Variants in NPAS2 observed in about 807,000 individuals in gnomAD.
NPAS2 encodes neuronal PAS domain-containing protein 2.
Under a neutral mutation model 107.5 loss-of-function variants are expected in NPAS2, and 23 were observed. The observed-to-expected ratio is 0.21, with a 90% CI of 0.15 to 0.30. NPAS2 has a LOEUF of 0.30. NPAS2 is among the 10% of genes least tolerant of loss of function. NPAS2 has a pLI of 1.00. For synonymous variants in NPAS2, 403 were observed against 417.5 expected (o/e 0.97, Z 0.42); for missense variants, 756 against 1,043.3 (o/e 0.72, Z 3.79).
intron 7 of NPAS2, among the ~76,000 whole-genome samples, chr2:100,952,679 T>C (rs1030131701): frequency 1.3e-5 from 2 of 152,136 alleles, no homozygotes; most frequent in African/African-American, 4.8e-5. Flanking sequence ...CTGCTGAATA[T>C]CCCTTTGAAG....
intron 1 of NPAS2, chr2:100,878,386 G>A: frequency 1.0e-6 from 1 of 985,432 alleles, no homozygotes; most frequent in Non-Finnish European, 1.2e-6. Context: ...AAGCAGCTGA[G>A]GACCTGGAAA....
chr2:100,988,443 T>A, intron 17 of NPAS2, 167 bp downstream of exon 17: 3 of 618,156 alleles, frequency 4.9e-6, no homozygotes, highest in Non-Finnish European at 8.5e-6. Context: ...CTTCTTCTGT[T>A]AAAGTCACTT....
Position 100,877,673 on chromosome 2 carries a change from TG to T in NPAS2, c.-22-27059del, listed in dbSNP as rs145255804. 6.0e-4 allele frequency among the ~76,000 whole-genome samples: 92 copies of T among 152,260 alleles called. 1 individual carries two copies. The East Asian group carries it at 0.017, about 28-fold the overall frequency. On this transcript the variant is annotated intron_variant, in intron 1 of 20. Transcript: ENST00000335681. ...ATAGCACCCATTTTACACAGCACCA[TG>T]TGCATTTTCTGATATGTTTTTGCAC...
chr2:100,821,111 AGGTC>A (rs1196790608), intron 1 of NPAS2: 1 of 1,304,688 alleles, frequency 7.7e-7, no homozygotes, highest in Middle Eastern at 2.1e-4. Flanking sequence ...AGAGCTGGGC[AGGTC>A]GGTAACCAGG....
rs767258970 is a variant in NPAS2 at position 100,937,743 on chromosome 2, T to C, written c.274-10T>C. 10 of 1,610,958 alleles carry C rather than the reference T, an allele frequency of 6.2e-6. No individual in the cohort carries two copies. The highest frequency in any genetic ancestry group is 7.6e-6 in the Non-Finnish European group (9 of 1,177,184). On this transcript the variant is annotated splice_polypyrimidine_tract_variant and intron_variant, in intron 4 of 20. Transcript: ENST00000335681. ...TGCTAAGGAGCTTTCAAATGTTGCA[T>C]TTTCCACAGGCATTAGATGGCTTCA...
At chr2:100,866,980 T>C (rs1457671375) in intron 1 of NPAS2, among the ~76,000 whole-genome samples, 2 of 152,230 alleles carry the variant, frequency 1.3e-5, no homozygotes, top group Admixed American at 1.3e-4. Flanking sequence ...AGAGAGTCAT[T>C]TACAGGTTAG....
chr2:100,975,640 T>G, intron 14 of NPAS2, 73 bp downstream of exon 14: 1 of 1,093,434 alleles, frequency 9.1e-7, no homozygotes. Context: ...CCAGGCGATG[T>G]GCTGCGTCTC....
chr2:100,852,361 C>A lies in NPAS2; in HGVS notation c.-23+31947C>A, dbSNP rs986249515. 5.8e-4 allele frequency among the ~76,000 whole-genome samples: 88 copies of A among 151,846 alleles called. 2 individuals carry two copies. The highest frequency in any genetic ancestry group is 3.3e-3 in the Admixed American group (51 of 15,226). On this transcript the variant is annotated intron_variant, in intron 1 of 20. Coordinates refer to ENST00000335681, the MANE Select transcript of NPAS2 (RefSeq NM_002518.4). Reference sequence around the variant, plus strand: ...GCAGTGAGCTGAGATCGCACCACTGCGCTCCAGCCTGGGTGACAGAGCGAG... The same window carrying A: ...GCAGTGAGCTGAGATCGCACCACTGAGCTCCAGCCTGGGTGACAGAGCGAG...
chr2:100,965,814 A>G lies in NPAS2; in HGVS notation c.907+48A>G. On this transcript the variant is annotated intron_variant, in intron 10 of 20. Transcript: ENST00000335681. This position sits in a 1 kb window ranked among gnomAD's most constrained non-coding sequence, Gnocchi z 4.3. ...GGCATGGGGGCCTTGCGTTCACTCC[A>G]CTGGGGCCCAGCAGCAGGGCTCTGG... The G allele has an allele frequency of 8.2e-7, 1 of 1,218,684 alleles. No individual in the cohort carries two copies. The highest frequency in any genetic ancestry group is 1.2e-6 in the Non-Finnish European group (1 of 829,188). The allele number at this position is 1,218,684 out of a possible 1,614,324, so 75.5% of individuals were successfully genotyped here. A position where few individuals can be genotyped will look rare whatever the true frequency, so the allele number is the denominator to read the frequency against.
intron 7 of NPAS2, among the ~76,000 whole-genome samples, chr2:100,953,026 T>TC (rs200418470): frequency 0.032 from 4,796 of 150,764 alleles, 276 homozygotes; most frequent in South Asian, 0.073. Context: ...TGAAATATCA[T>TC]TCTAACTGGG....
At chr2:100,887,963 G>A (rs72627425) in intron 1 of NPAS2, among the ~76,000 whole-genome samples, 10,222 of 152,286 alleles carry the variant, frequency 0.067, 761 homozygotes, top group East Asian at 0.35. Flanking sequence ...GCTGGGCAGA[G>A]CAAGTTGCTT....
chr2:100,853,785 C>G (rs1300334226), intron 1 of NPAS2, among the ~76,000 whole-genome samples: 1 of 152,018 alleles, frequency 6.6e-6, no homozygotes, highest in Non-Finnish European at 1.5e-5. Flanking sequence ...CCTTCTGGCA[C>G]ACATCTGTTG....
chr2:100,991,123 C>T (rs1678095347), intron 19 of NPAS2, among the ~76,000 whole-genome samples: 1 of 152,208 alleles, frequency 6.6e-6, no homozygotes, highest in South Asian at 2.1e-4. Flanking sequence ...CCACCGTTTG[C>T]CATCATCTTC....
intron 1 of NPAS2, among the ~76,000 whole-genome samples, chr2:100,874,770 A>T (rs1679848872): frequency 1.3e-5 from 2 of 151,996 alleles, no homozygotes; most frequent in Non-Finnish European, 2.9e-5. Context: ...TGAAGTAAAC[A>T]TCAGTTTTCT....
At chr2:100,954,509 A>G (rs1311743887) in intron 7 of NPAS2, among the ~76,000 whole-genome samples, 1 of 152,052 alleles carries the variant, frequency 6.6e-6, no homozygotes, top group Non-Finnish European at 1.5e-5. Context: ...TACTAATAAT[A>G]CAAAAATTAG....
chr2:100,986,816 AC>A (rs1483303302), intron 16 of NPAS2: 2 of 152,238 alleles, frequency 1.3e-5, no homozygotes, highest in Non-Finnish European at 2.9e-5. Flanking sequence ...AACATTATCT[AC>A]CAAAACTATT....
Position 100,968,503 on chromosome 2 carries a change from G to A in NPAS2, c.1055+75G>A. 7.0e-7 allele frequency: 1 copy of A among 1,434,948 alleles called. No homozygotes were observed. Among genetic ancestry groups the A allele is most frequent in the Non-Finnish European group, 9.6e-7 (1 of 1,039,396 alleles). The allele number at this position is 1,434,948 out of a possible 1,614,324, so 88.9% of individuals were successfully genotyped here. On this transcript the variant is annotated intron_variant, in intron 11 of 20. Transcript: ENST00000335681. The surrounding 1 kb of genome is among the most constrained non-coding windows in gnomAD (Gnocchi z 5.3). ...AGGGGTGCAGGATGGCGTGGCCCCT[G>A]ATGGCCAAGTCAGATCAGCAGTCAC...
At position 100,968,152 on chromosome 2, in the gene NPAS2, C is replaced by T; in HGVS notation, c.908-129C>T. 6 of 931,924 alleles carry T rather than the reference C, an allele frequency of 6.4e-6. No individual in the cohort carries two copies. In the South Asian group the frequency reaches 9.7e-5, roughly 15 times the overall value. 57.7% of individuals were successfully genotyped at this position (931,924 alleles called of 1,614,324 possible). A position where few individuals can be genotyped will look rare whatever the true frequency, so the allele number is the denominator to read the frequency against. On this transcript the variant is annotated intron_variant, in intron 10 of 20. Transcript: ENST00000335681. This position sits in a 1 kb window ranked among gnomAD's most constrained non-coding sequence, Gnocchi z 5.3. ...CCTGACAGTCACTTAAAATACAGGGCAACCGGGGAAACAAGCCATGTTTGG... is the reference window on the plus strand; with the variant it reads ...CCTGACAGTCACTTAAAATACAGGGTAACCGGGGAAACAAGCCATGTTTGG...
upstream of NPAS2, among the ~76,000 whole-genome samples, chr2:100,819,841 C>A (rs2104288314): frequency 6.6e-6 from 1 of 152,236 alleles, no homozygotes; most frequent in African/African-American, 2.4e-5. This position sits in a 1 kb window ranked among gnomAD's most constrained non-coding sequence, Gnocchi z 5.8. Flanking sequence ...GCGCCCCAGG[C>A]CCGACCCCGC....
Sources: allele counts gnomAD v4.1 joint callset (sites outside exome capture counted in the v4.1 genomes callset), GRCh38; gene constraint gnomAD v4.1.1; non-coding constraint Gnocchi (gnomAD v3.1); transcripts MANE v1.5; gene names NCBI Gene and HGNC (gene_info 2026-07-23, HGNC 2026-07-21).